Variants in FSTL4 observed in about 807,000 individuals in gnomAD.
FSTL4 encodes the protein follistatin-related protein 4.
FSTL4 carries 28 observed loss-of-function variants against 78.2 expected under a neutral mutation model. The observed-to-expected ratio is 0.36, with a 90% confidence interval of 0.27 to 0.49. The LOEUF (loss-of-function observed/expected upper bound fraction) is 0.49. Ranked by LOEUF, FSTL4 falls within the 20% of genes least tolerant of loss-of-function variation. The probability of loss-of-function intolerance (pLI) is 0.98; values close to 1 mark genes in which losing one functional copy is unlikely to be tolerated. For synonymous variants in FSTL4, 422 were observed against 440.5 expected (o/e 0.96, Z 0.53); for missense variants, 922 against 1,084.9 (o/e 0.85, Z 2.11).
chr5:133,696,553 C>G, the FSTL4 span, among the ~76,000 whole-genome samples: 1 of 152,230 alleles, frequency 6.6e-6, no homozygotes, highest in African/African-American at 2.4e-5. Flanking sequence ...TCTCTCTCTC[C>G]TACCAAAAGG....
At chr5:133,271,619 A>G (rs1451525456) in intron 6 of FSTL4, among the ~76,000 whole-genome samples, 1 of 152,216 alleles carries the variant, frequency 6.6e-6, no homozygotes, top group Admixed American at 6.5e-5. Context: ...TTCTGTTCTC[A>G]GTAACAGAGA....
intron 6 of FSTL4, among the ~76,000 whole-genome samples, chr5:133,285,614 G>A (rs1431168616): frequency 6.6e-6 from 1 of 152,188 alleles, no homozygotes; most frequent in Non-Finnish European, 1.5e-5. Context: ...GCCACCACAA[G>A]GAGCCTCCCT....
chr5:133,841,543 C>A, the FSTL4 span, among the ~76,000 whole-genome samples: 1 of 152,142 alleles, frequency 6.6e-6, no homozygotes, highest in Non-Finnish European at 1.5e-5. Context: ...GCCTACACAG[C>A]CCTTTACACA....
At chr5:133,633,040 T>C in the FSTL4 span, among the ~76,000 whole-genome samples, 1 of 151,966 alleles carries the variant, frequency 6.6e-6, no homozygotes, top group Non-Finnish European at 1.5e-5. Context: ...TTTTGCCATA[T>C]AGATAAAGTC....
chr5:133,546,569 G>C (rs957604450), intron 3 of FSTL4, among the ~76,000 whole-genome samples: 1 of 149,760 alleles, frequency 6.7e-6, no homozygotes, highest in South Asian at 2.1e-4. Context: ...AACCAAAGAT[G>C]TGGTCCAGCA....
intron 6 of FSTL4, among the ~76,000 whole-genome samples, chr5:133,289,305 T>C (rs904272971): frequency 2.6e-5 from 4 of 152,228 alleles, no homozygotes; most frequent in African/African-American, 9.6e-5. Context: ...TCTCTTGCCT[T>C]GAAGTAGAGC....
At chr5:133,766,763 A>G in the FSTL4 span, among the ~76,000 whole-genome samples, 2 of 152,242 alleles carry the variant, frequency 1.3e-5, no homozygotes, top group Non-Finnish European at 2.9e-5. Context: ...TAAAAACATA[A>G]AAAGGCCTCA....
intron 4 of FSTL4, among the ~76,000 whole-genome samples, chr5:133,371,040 G>A (rs1317305571): frequency 1.3e-5 from 2 of 152,220 alleles, no homozygotes; most frequent in Non-Finnish European, 2.9e-5. Flanking sequence ...TCCCTGGCCA[G>A]TACCAGCCTG....
chr5:133,775,561 C>T, the FSTL4 span, among the ~76,000 whole-genome samples: 1 of 152,178 alleles, frequency 6.6e-6, no homozygotes, highest in Admixed American at 6.5e-5. Context: ...ATGTGATTCA[C>T]TGAATCATAA....
Position 133,312,786 on chromosome 5 carries a change from TGAG to T in FSTL4, c.604-12_604-10del. The T allele has an allele frequency of 6.2e-7, 1 of 1,613,884 alleles. No homozygotes were observed. Among genetic ancestry groups the T allele is most frequent in the Non-Finnish European group, 8.5e-7 (1 of 1,179,938 alleles). ...TGCTTCTTCAGCACATGCTGTGGGG[TGAG>T]GAGGAGAACAAGGCCAGAATCAGAT... On this transcript the variant is annotated splice_polypyrimidine_tract_variant and intron_variant, in intron 5 of 15. Transcript: ENST00000265342.
chr5:133,400,068 G>A lies in FSTL4; in HGVS notation c.409+670C>T, dbSNP rs111296327. Among the ~76,000 whole-genome samples, 443 of 152,292 alleles carry A rather than the reference G, an allele frequency of 2.9e-3. 4 individuals are homozygous for A. Among genetic ancestry groups the A allele is most frequent in the African/African-American group, 9.2e-3 (383 of 41,562 alleles). ...CAGTGCTAGGTGCTAATACATAAGC[G>A]CATAAGACAGCCATAGCCGCTGCCC... On this transcript the variant is annotated intron_variant, in intron 4 of 15. Transcript: ENST00000265342.
At chr5:133,246,133 C>T (rs1752032261) in intron 7 of FSTL4, among the ~76,000 whole-genome samples, 1 of 152,190 alleles carries the variant, frequency 6.6e-6, no homozygotes, top group Non-Finnish European at 1.5e-5. Flanking sequence ...TTTTGAAGGC[C>T]GATCAGCTTG....
At chr5:133,777,175 T>A in the FSTL4 span, among the ~76,000 whole-genome samples, 1 of 152,132 alleles carries the variant, frequency 6.6e-6, no homozygotes, top group African/African-American at 2.4e-5. Context: ...TAGGAAATAG[T>A]TAAACATTCA....
the FSTL4 span, among the ~76,000 whole-genome samples, chr5:133,758,117 G>A: frequency 6.6e-6 from 1 of 152,182 alleles, no homozygotes; most frequent in Non-Finnish European, 1.5e-5. Context: ...TACTTACCAT[G>A]TACCAGGCAC....
At chr5:133,825,636 A>G in the FSTL4 span, among the ~76,000 whole-genome samples, 1 of 152,226 alleles carries the variant, frequency 6.6e-6, no homozygotes, top group Non-Finnish European at 1.5e-5. Flanking sequence ...AGGCTTCACC[A>G]GGCAGGGAGG....
At chr5:133,480,812 A>G (rs967114580) in intron 3 of FSTL4, among the ~76,000 whole-genome samples, 7 of 152,128 alleles carry the variant, frequency 4.6e-5, no homozygotes, top group Admixed American at 3.9e-4. Context: ...TTAGTGGATG[A>G]TAGTTCTTCT....
chr5:133,660,883 C>A, the FSTL4 span, among the ~76,000 whole-genome samples: 9,968 of 152,312 alleles, frequency 0.065, 442 homozygotes, highest in South Asian at 0.11. Context: ...TGACTGACAT[C>A]CACGCTGGTT....
At chr5:133,826,440 C>T in the FSTL4 span, among the ~76,000 whole-genome samples, 2 of 152,216 alleles carry the variant, frequency 1.3e-5, no homozygotes, top group Non-Finnish European at 2.9e-5. Context: ...TCCTGCCACA[C>T]CAGACTCCCT....
At chr5:133,681,417 T>C in the FSTL4 span, among the ~76,000 whole-genome samples, 4 of 152,206 alleles carry the variant, frequency 2.6e-5, no homozygotes, top group African/African-American at 9.7e-5. Flanking sequence ...ATGTTTCCCA[T>C]CTGGAGCTAC....
Sources: allele counts gnomAD v4.1 joint callset (sites outside exome capture counted in the v4.1 genomes callset), GRCh38; gene constraint gnomAD v4.1.1; transcripts MANE v1.5; gene names NCBI Gene and HGNC (gene_info 2026-07-23, HGNC 2026-07-21).